Variants in DHRS7B observed in about 807,000 individuals in gnomAD.
The protein encoded by DHRS7B is peroxisomal reductase activating PPAR-gamma.
DHRS7B carries 24 observed loss-of-function variants against 26.4 expected under a neutral mutation model. The observed-to-expected ratio is 0.91, with a 90% CI of 0.66 to 1.28. The LOEUF is 1.28. DHRS7B is among the 50% of genes most tolerant of loss of function. The pLI is 0.00. For missense variants in DHRS7B, 368 were observed against 419.4 expected, an observed-to-expected ratio of 0.88 and a Z score of 1.07; for synonymous variants, 142 against 166.4, an observed-to-expected ratio of 0.85 and a Z score of 1.13.
chr17:21,190,933 T>C lies in DHRS7B; in HGVS notation c.773-15T>C, dbSNP rs774325707. On this transcript the variant is annotated splice_polypyrimidine_tract_variant and intron_variant, in intron 6 of 6. Coordinates refer to ENST00000395511, the MANE Select transcript of DHRS7B (RefSeq NM_015510.5). The stretch of plus-strand genomic sequence containing the variant: ...CTTCCAAGTTCATGTGTTTCTTTTG[T>C]TTTATTTATTTTAGTTATGGACACC... 1.2e-6 allele frequency: 2 copies of C among 1,613,064 alleles called. No homozygotes were observed. Among genetic ancestry groups the C allele is most frequent in the South Asian group, 2.2e-5 (2 of 90,960 alleles).
intron 1 of DHRS7B, chr17:21,166,256 C>T (rs1974111012): frequency 2.0e-6 from 2 of 985,346 alleles, no homozygotes; most frequent in Admixed American, 6.1e-5. Flanking sequence ...AGCCTTCCTT[C>T]AGGTTTTATT....
intron 1 of DHRS7B, among the ~76,000 whole-genome samples, chr17:21,169,218 A>G (rs567896820): frequency 1.3e-5 from 2 of 152,344 alleles, no homozygotes; most frequent in African/African-American, 4.8e-5. Context: ...TTATGAAAAT[A>G]TAGAAGTTAA....
intron 1 of DHRS7B, chr17:21,168,891 C>T (rs937233229): frequency 1.9e-5 from 19 of 985,322 alleles, no homozygotes; most frequent in Admixed American, 6.1e-5. Flanking sequence ...GTGTACAAGA[C>T]GGTGTGTAGT....
chr17:21,156,544 G>T (rs368076992), intron 1 of DHRS7B, among the ~76,000 whole-genome samples: 1 of 151,624 alleles, frequency 6.6e-6, no homozygotes, highest in Non-Finnish European at 1.5e-5. Flanking sequence ...GGTAGAGGTT[G>T]CATTGAGCCA....
chr17:21,141,919 G>T (rs1454383350), intron 1 of DHRS7B, among the ~76,000 whole-genome samples: 1 of 152,090 alleles, frequency 6.6e-6, no homozygotes, highest in Non-Finnish European at 1.5e-5. Context: ...AAGGTCAAGG[G>T]CATCTCCACT....
chr17:21,175,555 G>A (rs1319568900), intron 2 of DHRS7B, among the ~76,000 whole-genome samples: 4 of 152,210 alleles, frequency 2.6e-5, no homozygotes, highest in Non-Finnish European at 4.4e-5. Context: ...TCAGGTCAGG[G>A]TCAGCCAGGG....
intron 1 of DHRS7B, among the ~76,000 whole-genome samples, chr17:21,136,461 G>C (rs528084285): frequency 1.3e-5 from 2 of 151,604 alleles, no homozygotes; most frequent in Non-Finnish European, 2.9e-5. Context: ...GTGGTGAGCC[G>C]AGATCACACC....
intron 2 of DHRS7B, among the ~76,000 whole-genome samples, chr17:21,176,336 C>T (rs1318932283): frequency 6.6e-6 from 1 of 151,992 alleles, no homozygotes; most frequent in Non-Finnish European, 1.5e-5. Context: ...CACAGTGGCT[C>T]ATGCCTGTAA....
chr17:21,166,064 G>GTCACC (rs1432990713), intron 1 of DHRS7B: 8 of 776,276 alleles, frequency 1.0e-5, no homozygotes, highest in Non-Finnish European at 1.3e-5. Context: ...CCTGTTCATT[G>GTCACC]TCACCGCACT....
At chr17:21,161,906 A>G (rs1195607094) in intron 1 of DHRS7B, among the ~76,000 whole-genome samples, 4 of 152,154 alleles carry the variant, frequency 2.6e-5, no homozygotes, top group African/African-American at 9.7e-5. Flanking sequence ...GCTGGCATTA[A>G]AAGTCAGTGT....
intron 1 of DHRS7B, among the ~76,000 whole-genome samples, chr17:21,143,010 C>A (rs1383799607): frequency 6.6e-6 from 1 of 152,206 alleles, no homozygotes. Flanking sequence ...CTCATCACAA[C>A]CTCCACCTCC....
chr17:21,190,687 G>A (rs888594602), intron 6 of DHRS7B, among the ~76,000 whole-genome samples: 2 of 152,312 alleles, frequency 1.3e-5, no homozygotes, highest in East Asian at 1.9e-4. Flanking sequence ...GCCCTAACTG[G>A]GATCCTCAGT....
At chr17:21,142,955 G>T (rs371943927) in intron 1 of DHRS7B, among the ~76,000 whole-genome samples, 4 of 152,164 alleles carry the variant, frequency 2.6e-5, no homozygotes, top group African/African-American at 7.2e-5. Context: ...TTGAGGTGGC[G>T]TCTTGCTATG....
intron 5 of DHRS7B, among the ~76,000 whole-genome samples, chr17:21,188,296 G>A (rs556015657): frequency 2.0e-5 from 3 of 151,818 alleles, no homozygotes; most frequent in African/African-American, 4.8e-5. Context: ...CATATATACC[G>A]TTTATAATAT....
At chr17:21,179,603 A>G (rs1974467293) in intron 3 of DHRS7B, among the ~76,000 whole-genome samples, 1 of 152,142 alleles carries the variant, frequency 6.6e-6, no homozygotes, top group South Asian at 2.1e-4. Flanking sequence ...CTGTCTCAAA[A>G]AAAAGAGAAA....
chr17:21,164,309 G>C (rs1465062305), intron 1 of DHRS7B, among the ~76,000 whole-genome samples: 5 of 152,238 alleles, frequency 3.3e-5, no homozygotes, highest in Admixed American at 2.6e-4. Flanking sequence ...GGGGATTACA[G>C]GCATGAGCCA....
At chr17:21,163,037 A>C (rs750999348) in intron 1 of DHRS7B, among the ~76,000 whole-genome samples, 3 of 151,984 alleles carry the variant, frequency 2.0e-5, no homozygotes, top group Non-Finnish European at 2.9e-5. Context: ...CTCTACTAAA[A>C]ACACAAAAAT....
intron 5 of DHRS7B, among the ~76,000 whole-genome samples, chr17:21,186,441 T>A (rs1974636919): frequency 6.6e-6 from 1 of 152,192 alleles, no homozygotes; most frequent in Non-Finnish European, 1.5e-5. Context: ...GCTGTACTCT[T>A]GGAATCATGG....
At chr17:21,188,057 A>C (rs896525621) in intron 5 of DHRS7B, among the ~76,000 whole-genome samples, 8 of 151,944 alleles carry the variant, frequency 5.3e-5, no homozygotes, top group African/African-American at 1.9e-4. Context: ...TCATCGTGTT[A>C]GCTAGGATGG....
Sources: allele counts gnomAD v4.1 joint callset (sites outside exome capture counted in the v4.1 genomes callset), GRCh38; gene constraint gnomAD v4.1.1; transcripts MANE v1.5; gene names NCBI Gene and HGNC (gene_info 2026-07-23, HGNC 2026-07-21).